Variants in UBASH3B observed in about 807,000 individuals in gnomAD.
UBASH3B encodes the protein ubiquitin-associated and SH3 domain-containing protein B.
A neutral mutation model predicts 83.4 loss-of-function variants in UBASH3B; 37 were observed. That is an observed-to-expected ratio of 0.44 (90% CI 0.34 to 0.58). UBASH3B has a LOEUF of 0.58. Ranked by LOEUF, UBASH3B falls within the 20% of genes least tolerant of loss-of-function variation. The pLI is 0.01. For missense variants in UBASH3B, 657 were observed against 827.2 expected (o/e 0.79, Z 2.52); for synonymous variants, 304 against 318.3 (o/e 0.96, Z 0.48).
chr11:122,663,499 G>A (rs891571791), intron 1 of UBASH3B, among the ~76,000 whole-genome samples: 2 of 152,188 alleles, frequency 1.3e-5, no homozygotes, highest in Non-Finnish European at 2.9e-5. Flanking sequence ...CTGCCTCAAA[G>A]TCCAGCTCCC....
In UBASH3B at chr11:122,813,881, A is replaced by C. The variant is rs1333164301; in HGVS notation, c.*3995A>C. 6.6e-6 allele frequency: 1 copy of C among 152,374 alleles called. No homozygotes were observed. The highest frequency in any genetic ancestry group is 1.9e-4 in the East Asian group (1 of 5,194). The allele number at this position is 152,374 out of a possible 1,614,324, so 9.4% of individuals were successfully genotyped here. On this transcript the variant is annotated 3_prime_UTR_variant, in exon 14 of 14. Coordinates refer to ENST00000284273, the MANE Select transcript of UBASH3B (RefSeq NM_032873.5). ...AAAATTCAAGCGAAAAGGGAAAAAG[A>C]TTGTAAATGCAGATGAAATAACTTC...
At chr11:122,807,923 A>G in intron 12 of UBASH3B, 144 bp from the exon 13 acceptor site, 1 of 699,996 alleles carries the variant, frequency 1.4e-6, no homozygotes, top group South Asian at 1.6e-5. Context: ...ATCAGTAACA[A>G]AGCACTTTCA....
rs544330192 is a variant in UBASH3B at position 122,806,567 on chromosome 11, A to G, written c.1702+51A>G. 8 of 1,492,358 alleles carry G rather than the reference A, an allele frequency of 5.4e-6. No homozygotes were observed. The South Asian group carries it at 7.2e-5, about 13-fold the overall frequency. 92.4% of individuals were successfully genotyped at this position (1,492,358 alleles called of 1,614,324 possible). A position where few individuals can be genotyped will look rare whatever the true frequency, so the allele number is the denominator to read the frequency against. ...TCTGTACATACGTGATTATTTCTCT[A>G]TAATGGTTAATAGGTTATTCAAGAT... On this transcript the variant is annotated intron_variant, in intron 12 of 13. Coordinates refer to ENST00000284273, the MANE Select transcript of UBASH3B (RefSeq NM_032873.5). The surrounding 1 kb of genome is among the most constrained non-coding windows in gnomAD (Gnocchi z 4.0).
chr11:122,778,238 TA>T lies in UBASH3B; in HGVS notation c.402+1030del, dbSNP rs373515263. Among the ~76,000 whole-genome samples, 916 of 152,320 alleles carry T rather than the reference TA, an allele frequency of 6.0e-3. 5 individuals are homozygous for T. The highest frequency in any genetic ancestry group is 0.021 in the African/African-American group (853 of 41,568). On this transcript the variant is annotated intron_variant, in intron 3 of 13. Transcript: ENST00000284273. ...TCTTTTTCTCTCTCTCAGGTAATAA[TA>T]ATGTTCCTAACACCTTCTCTTTTAC...
intron 1 of UBASH3B, among the ~76,000 whole-genome samples, chr11:122,663,884 A>G (rs768837764): frequency 1.3e-5 from 2 of 152,162 alleles, no homozygotes; most frequent in South Asian, 2.1e-4. Flanking sequence ...CAATAACAGC[A>G]CTTGTCTTGA....
chr11:122,791,121 A>T (rs1861046262), intron 6 of UBASH3B, among the ~76,000 whole-genome samples: 1 of 152,196 alleles, frequency 6.6e-6, no homozygotes, highest in South Asian at 2.1e-4. Context: ...TATTCGAGAG[A>T]TTACTAATGA....
chr11:122,720,632 A>T (rs1484448056), intron 1 of UBASH3B, among the ~76,000 whole-genome samples: 2 of 152,044 alleles, frequency 1.3e-5, no homozygotes, highest in Admixed American at 1.3e-4. Flanking sequence ...CTGAAGCCAC[A>T]TGGTCTATTC....
At chr11:122,725,342 AAAG>A (rs1860718115) in intron 1 of UBASH3B, among the ~76,000 whole-genome samples, 1 of 130,780 alleles carries the variant, frequency 7.6e-6, no homozygotes, top group Non-Finnish European at 1.6e-5. Flanking sequence ...AAAAAAAAAA[AAAG>A]AAAAGAAAAG....
intron 1 of UBASH3B, among the ~76,000 whole-genome samples, chr11:122,743,630 T>C (rs947117240): frequency 6.6e-6 from 1 of 152,138 alleles, no homozygotes; most frequent in African/African-American, 2.4e-5. Flanking sequence ...AGATGCTAAT[T>C]ATGAAAAAAC....
At chr11:122,690,031 A>G (rs1295580866) in intron 1 of UBASH3B, among the ~76,000 whole-genome samples, 2 of 151,298 alleles carry the variant, frequency 1.3e-5, no homozygotes, top group African/African-American at 4.8e-5. Context: ...TTCTTCCCCC[A>G]GGGTGGGACA....
At chr11:122,791,752 G>A (rs1472266529) in intron 6 of UBASH3B, among the ~76,000 whole-genome samples, 1 of 152,182 alleles carries the variant, frequency 6.6e-6, no homozygotes, top group Non-Finnish European at 1.5e-5. Context: ...GGGGATCCAG[G>A]CAACAAGTCA....
intron 5 of UBASH3B, among the ~76,000 whole-genome samples, chr11:122,784,913 C>G (rs1252113292): frequency 2.0e-5 from 3 of 152,114 alleles, no homozygotes; most frequent in Admixed American, 6.5e-5. Context: ...TCTGACATCT[C>G]CTAGAGTCAC....
chr11:122,806,434 A>T lies in UBASH3B; in HGVS notation c.1620A>T (p.Leu540Phe). 1 of 1,604,034 alleles carries T rather than the reference A, an allele frequency of 6.2e-7. No individual in the cohort carries two copies. The highest frequency in any genetic ancestry group is 8.5e-7 in the Non-Finnish European group (1 of 1,177,222). The change falls in exon 12 of 14, where the codon TTA (leucine) becomes TTT (phenylalanine). Residue 540 changes from leucine (L) to phenylalanine (F), a missense_variant. By Grantham distance (22) the Leu-to-Phe change is conservative. Around this residue, in one of 3 missense-constraint regions of UBASH3B, gnomAD observed 573 missense variants for 739.0 expected, o/e 0.78. Coordinates refer to ENST00000284273, the MANE Select transcript of UBASH3B (RefSeq NM_032873.5). The surrounding 1 kb of genome is among the most constrained non-coding windows in gnomAD (Gnocchi z 4.0). ...TYRPHIPISKLVVSESYDTYI... is the reference protein window; with the variant it reads ...TYRPHIPISKFVVSESYDTYI... ...GACCTCACATTCCAATCAGCAAATT[A>T]GTTGTTTCAGAATCCTATGATACTT...
rs376394487 is a variant in UBASH3B at position 122,800,177 on chromosome 11, A to G, written c.1451-1011A>G. ...TGAATAATTTACATGATATTCAAAT[A>G]CGATGTTGGATACTCAGAGACTATC... On this transcript the variant is annotated intron_variant, in intron 10 of 13. Transcript: ENST00000284273. Among the ~76,000 whole-genome samples, 68 of 152,294 alleles carry G rather than the reference A, an allele frequency of 4.5e-4. 2 individuals are homozygous for G. Among genetic ancestry groups the G allele is most frequent in the East Asian group, 4.2e-3 (22 of 5,186 alleles).
At chr11:122,728,076 A>G (rs1945398) in intron 1 of UBASH3B, among the ~76,000 whole-genome samples, 15,217 of 152,112 alleles carry the variant, frequency 0.1, 916 homozygotes, top group African/African-American at 0.18. Context: ...GGGCTCAAGC[A>G]GTCTTCCTGC....
At chr11:122,808,667 CCTTT>C (rs1344570979) in intron 13 of UBASH3B, among the ~76,000 whole-genome samples, 3 of 152,216 alleles carry the variant, frequency 2.0e-5, no homozygotes, top group Non-Finnish European at 2.9e-5. Flanking sequence ...CTGGAGTCTT[CCTTT>C]CTGTGCCTGT....
chr11:122,669,579 G>A (rs1318151194), intron 1 of UBASH3B, among the ~76,000 whole-genome samples: 2 of 152,140 alleles, frequency 1.3e-5, no homozygotes, highest in African/African-American at 4.8e-5. Flanking sequence ...GTATGTAAGC[G>A]CTTGGTCTGC....
chr11:122,659,410 C>T (rs1371870695), intron 1 of UBASH3B, among the ~76,000 whole-genome samples: 1 of 152,118 alleles, frequency 6.6e-6, no homozygotes, highest in Non-Finnish European at 1.5e-5. Context: ...AGTGAAGGTC[C>T]TGGAGGTCAC....
rs1188059228 is a variant in UBASH3B, at chr11:122,672,862, CTGGG to C, written c.161+16653_161+16656del. The stretch of plus-strand genomic sequence containing the variant: ...TACCTAAAGTCCCTGGGGGACCAGG[CTGGG>C]CCAGCCTGCAGTAGGGACATGGCCT... On this transcript the variant is annotated intron_variant, in intron 1 of 13. Transcript: ENST00000284273. Among the ~76,000 whole-genome samples, 3 of 152,254 alleles carry C rather than the reference CTGGG, an allele frequency of 2.0e-5. No homozygotes were observed. The East Asian group carries it at 5.8e-4, about 29-fold the overall frequency.
Sources: allele counts gnomAD v4.1 joint callset (sites outside exome capture counted in the v4.1 genomes callset), GRCh38; gene constraint gnomAD v4.1.1; regional missense constraint gnomAD v4.1.1; non-coding constraint Gnocchi (gnomAD v3.1); transcripts MANE v1.5; gene names NCBI Gene and HGNC (gene_info 2026-07-23, HGNC 2026-07-21).